The following TNFAIP8 variants were observed in gnomAD, a reference collection of about 807,000 sequenced individuals.
TNFAIP8 encodes TNF alpha induced protein 8, also known as tumor necrosis factor alpha-induced protein 8.
A neutral mutation model predicts 13.3 loss-of-function variants in TNFAIP8; 7 were observed. The ratio of observed to expected loss-of-function variants is 0.52; its 90% CI spans 0.30 to 0.99. The LOEUF (loss-of-function observed/expected upper bound fraction) is 0.99, where lower values mean the gene tolerates loss of function less well. Ranked by LOEUF, TNFAIP8 falls within the 50% of genes least tolerant of loss-of-function variation. The pLI is 0.07. For missense variants in TNFAIP8, 258 were observed against 236.9 expected (o/e 1.09, Z -0.58); for synonymous variants, 94 against 87.6 (o/e 1.07, Z -0.41).
At chr5:119,295,479 G>A (rs10463466) in intron 1 of TNFAIP8, among the ~76,000 whole-genome samples, 124,648 of 151,460 alleles carry the variant, frequency 0.82, 51,875 homozygotes, top group East Asian at 0.98. Flanking sequence ...GTTCTGTTCT[G>A]TTGATCTATA....
At chr5:119,299,459 C>T (rs186354071) in intron 1 of TNFAIP8, among the ~76,000 whole-genome samples, 2 of 152,282 alleles carry the variant, frequency 1.3e-5, no homozygotes, top group African/African-American at 2.4e-5. Flanking sequence ...TCTGATCGTT[C>T]CTCTGGAAGT....
At chr5:119,297,504 C>G (rs1238904800) in intron 1 of TNFAIP8, among the ~76,000 whole-genome samples, 1 of 151,904 alleles carries the variant, frequency 6.6e-6, no homozygotes, top group African/African-American at 2.4e-5. Context: ...TTTACATTTG[C>G]TGAGGAGAGC....
intron 1 of TNFAIP8, among the ~76,000 whole-genome samples, chr5:119,272,736 T>C (rs765123790): frequency 3.2e-4 from 49 of 152,346 alleles, no homozygotes; most frequent in Middle Eastern, 3.4e-3. Context: ...GTGTTTATGG[T>C]TCAGAACTAA....
chr5:119,303,476 G>A (rs188825991), intron 1 of TNFAIP8, among the ~76,000 whole-genome samples: 4 of 152,272 alleles, frequency 2.6e-5, no homozygotes, highest in Non-Finnish European at 5.9e-5. Flanking sequence ...TTGTGGGTCA[G>A]TAAAGCTACA....
chr5:119,283,806 G>T (rs1748702882), intron 1 of TNFAIP8, among the ~76,000 whole-genome samples: 1 of 152,194 alleles, frequency 6.6e-6, no homozygotes, highest in Non-Finnish European at 1.5e-5. Context: ...AATTGAAGCA[G>T]TACTGGAAAT....
At chr5:119,333,820 A>ATAT (rs1174726288) in intron 1 of TNFAIP8, among the ~76,000 whole-genome samples, 1 of 152,186 alleles carries the variant, frequency 6.6e-6, no homozygotes, top group African/African-American at 2.4e-5. Flanking sequence ...GTGGGGAACC[A>ATAT]GTGTTAAGCA....
At chr5:119,357,519 C>T (rs944521504) in intron 1 of TNFAIP8, among the ~76,000 whole-genome samples, 2 of 152,116 alleles carry the variant, frequency 1.3e-5, no homozygotes, top group African/African-American at 4.8e-5. Context: ...TGTGTTTTCC[C>T]TGTCTTTTGA....
chr5:119,285,787 C>T (rs527491162), intron 1 of TNFAIP8, among the ~76,000 whole-genome samples: 1 of 152,318 alleles, frequency 6.6e-6, no homozygotes, highest in African/African-American at 2.4e-5. Context: ...CTTAAATATG[C>T]ATCAGCTGCT....
intron 1 of TNFAIP8, among the ~76,000 whole-genome samples, chr5:119,315,248 T>A (rs1973530): frequency 0.11 from 16,863 of 152,054 alleles, 3,155 homozygotes; most frequent in African/African-American, 0.39. Flanking sequence ...AGGCCCAGCT[T>A]ATTTTTTGTA....
intron 1 of TNFAIP8, among the ~76,000 whole-genome samples, chr5:119,384,513 A>G (rs542946668): frequency 6.6e-6 from 1 of 152,292 alleles, no homozygotes; most frequent in Non-Finnish European, 1.5e-5. Flanking sequence ...TAAGTAAGAT[A>G]ACACAAGTTC....
chr5:119,355,176 A>C, upstream of TNFAIP8: 1 of 651,084 alleles, frequency 1.5e-6, no homozygotes, highest in South Asian at 1.7e-5. Context: ...TCTTTATTCT[A>C]TCAGCATTTC....
intron 1 of TNFAIP8, among the ~76,000 whole-genome samples, chr5:119,377,876 T>G (rs1450481168): frequency 6.6e-6 from 1 of 152,206 alleles, no homozygotes; most frequent in Non-Finnish European, 1.5e-5. Flanking sequence ...CATTTATTTC[T>G]GTAAGGCAGT....
chr5:119,368,458 T>TGC (rs61235714), intron 1 of TNFAIP8, among the ~76,000 whole-genome samples: 1 of 94,428 alleles, frequency 1.1e-5, no homozygotes. Flanking sequence ...TGTGTGTGTG[T>TGC]GCGTGTGTGT....
Position 119,326,505 on chromosome 5 carries a change from C to G in TNFAIP8, c.1+57598C>G, listed in dbSNP as rs1581606839. 2.0e-5 allele frequency among the ~76,000 whole-genome samples: 3 copies of G among 152,288 alleles called. 1 individual carries two copies. The South Asian group carries it at 6.2e-4, about 32-fold the overall frequency. On this transcript the variant is annotated intron_variant, in intron 1 of 1. Transcript: ENST00000274456. ...GCAGGACTGGGGACTGCTTTAAGTC[C>G]TATGTTGACTCATGGACTCAGACCC...
rs182321014 is a variant in TNFAIP8, at chr5:119,373,553, C to T, written c.31+17432C>T. On this transcript the variant is annotated intron_variant, in intron 1 of 1. Transcript: ENST00000504771. ...TTTTCAGTCTAGAGGAGTTAACATG[C>T]ATACAAGAAAGTACATATTACATGG... Among the ~76,000 whole-genome samples the T allele has an allele frequency of 9.9e-5, 15 of 152,236 alleles. No individual in the cohort carries two copies. In the East Asian group the frequency reaches 2.9e-3, roughly 29 times the overall value.
chr5:119,299,571 G>A (rs1298006996), intron 1 of TNFAIP8, among the ~76,000 whole-genome samples: 2 of 152,136 alleles, frequency 1.3e-5, no homozygotes, highest in African/African-American at 2.4e-5. Flanking sequence ...AGGGACCCTC[G>A]TGAGGAGGCA....
chr5:119,397,745 A>T lies in TNFAIP8; in HGVS notation c.*4364A>T, dbSNP rs1753108252. On this transcript the variant is annotated 3_prime_UTR_variant, in exon 2 of 2. Coordinates refer to ENST00000504771, the MANE Select transcript of TNFAIP8 (RefSeq NM_014350.4). ...ACAGGAAAACCTTTAACTACTTATA[A>T]TCCCGTATAGTCACCATCACCACGA... 6.6e-6 allele frequency: 1 copy of T among 152,226 alleles called. No homozygotes were observed. Among genetic ancestry groups the T allele is most frequent in the African/African-American group, 2.4e-5 (1 of 41,454 alleles). The allele number at this position is 152,226 out of a possible 1,614,324, so 9.4% of individuals were successfully genotyped here.
upstream of TNFAIP8, among the ~76,000 whole-genome samples, chr5:119,352,417 A>G (rs1488496457): frequency 6.8e-6 from 1 of 148,044 alleles, no homozygotes; most frequent in Non-Finnish European, 1.5e-5. Context: ...CAGCCTCAGC[A>G]GGTTAGAAAA....
intron 1 of TNFAIP8, 27 bp downstream of exon 1, chr5:119,356,148 C>T: frequency 1.3e-6 from 2 of 1,554,524 alleles, no homozygotes; most frequent in Non-Finnish European, 1.7e-6. Flanking sequence ...TCCTGGGGGC[C>T]GGCCAAGTTC....
Sources: allele counts gnomAD v4.1 joint callset (sites outside exome capture counted in the v4.1 genomes callset), GRCh38; gene constraint gnomAD v4.1.1; transcripts MANE v1.5; gene names NCBI Gene and HGNC (gene_info 2026-07-23, HGNC 2026-07-21).